Variants in BARD1 observed in about 807,000 individuals in gnomAD.
BARD1 encodes BRCA1-associated RING domain protein 1.
In BARD1, 73 loss-of-function variants were observed where a neutral mutation model predicts 77.0. The observed-to-expected ratio is 0.95, with a 90% CI of 0.79 to 1.15. The LOEUF (loss-of-function observed/expected upper bound fraction) is 1.15. Among genes scored for constraint, BARD1 ranks in the 50% most tolerant of loss-of-function variants. The probability of loss-of-function intolerance (pLI) is 0.00; values close to 1 mark genes in which losing one functional copy is unlikely to be tolerated. For synonymous variants in BARD1, 384 were observed against 338.0 expected, an observed-to-expected ratio of 1.14 and a Z score of -1.49; for missense variants, 993 against 938.8, an observed-to-expected ratio of 1.06 and a Z score of -0.75.
At chr2:214,800,571 A>G (rs1695972375) in intron 1 of BARD1, among the ~76,000 whole-genome samples, 1 of 152,166 alleles carries the variant, frequency 6.6e-6, no homozygotes, top group Admixed American at 6.5e-5. Context: ...TTTTTAAAAA[A>G]TTATTACAAC....
At chr2:214,757,520 G>A (rs1693748623) in intron 6 of BARD1, among the ~76,000 whole-genome samples, 1 of 151,854 alleles carries the variant, frequency 6.6e-6, no homozygotes, top group African/African-American at 2.4e-5. Context: ...ATGTGAAAAT[G>A]GATATATGTA....
At chr2:214,794,879 T>C (rs1425580547) in intron 2 of BARD1, among the ~76,000 whole-genome samples, 3 of 152,216 alleles carry the variant, frequency 2.0e-5, no homozygotes, top group African/African-American at 7.2e-5. Flanking sequence ...ATGAATTCTT[T>C]CCTACGTTCA....
At chr2:214,778,216 A>C (rs9789462) in intron 4 of BARD1, among the ~76,000 whole-genome samples, 40,754 of 128,582 alleles carry the variant, frequency 0.32, 6,205 homozygotes, top group East Asian at 0.61. Flanking sequence ...CCCCACCCCC[A>C]AAAAAGAAAA....
At chr2:214,742,925 C>A (rs1051914770) in intron 9 of BARD1, among the ~76,000 whole-genome samples, 6 of 152,112 alleles carry the variant, frequency 3.9e-5, no homozygotes, top group Non-Finnish European at 8.8e-5. Flanking sequence ...CAAAAGCATC[C>A]CTAATCATGA....
At chr2:214,742,391 G>A (rs1692879197) in intron 9 of BARD1, among the ~76,000 whole-genome samples, 1 of 152,126 alleles carries the variant, frequency 6.6e-6, no homozygotes, top group African/African-American at 2.4e-5. Flanking sequence ...GAAACTATGA[G>A]AAATATATAT....
chr2:214,759,680 C>T (rs1031780025), intron 6 of BARD1, among the ~76,000 whole-genome samples: 3 of 152,132 alleles, frequency 2.0e-5, no homozygotes, highest in African/African-American at 7.2e-5. Flanking sequence ...TGACTTTCCA[C>T]TGTACATTCG....
chr2:214,790,763 C>T (rs1695476894), intron 3 of BARD1, among the ~76,000 whole-genome samples: 1 of 152,112 alleles, frequency 6.6e-6, no homozygotes, highest in Non-Finnish European at 1.5e-5. Flanking sequence ...ACAGACCACA[C>T]ACTCCTAAGA....
In BARD1 at chr2:214,774,635, T is replaced by C. The variant is rs1324112320; in HGVS notation, c.1315-5323A>G. Among the ~76,000 whole-genome samples the C allele has an allele frequency of 2.6e-5, 4 of 152,224 alleles. No homozygotes were observed. The East Asian group carries it at 7.7e-4, about 29-fold the overall frequency. On this transcript the variant is annotated intron_variant, in intron 4 of 10. Coordinates refer to ENST00000260947, the MANE Select transcript of BARD1 (RefSeq NM_000465.4). ...ATGGTAAATGAGCATTGGCTTCCAC[T>C]TCAAGTCACCAGCTGCATTAGCCCC... is the stretch of plus-strand genomic sequence containing the variant.
intron 4 of BARD1, among the ~76,000 whole-genome samples, chr2:214,773,588 T>C (rs966446341): frequency 2.0e-5 from 3 of 152,198 alleles, no homozygotes; most frequent in African/African-American, 7.2e-5. Context: ...AAAAGTTATA[T>C]GTGCACTATA....
chr2:214,792,339 A>G lies in BARD1; in HGVS notation c.322T>C (p.Cys108Arg), dbSNP rs1060501298. The change falls in exon 3 of 11, where the codon TGT becomes CGT. Residue 108 changes from cysteine to arginine, a missense_variant. By Grantham distance (180) the Cys-to-Arg change is radical. Transcript: ENST00000260947. ...TGTAGCAAATTTCGAAGCTTACTAC[A>G]AAGTTGAATCATGCTGTCCAGTTGT... ...NRQLDSMIQL[C>R]SKLRNLLHDN... 6.2e-7 allele frequency: 1 copy of G among 1,613,502 alleles called. No individual in the cohort carries two copies. The highest frequency in any genetic ancestry group is 8.5e-7 in the Non-Finnish European group (1 of 1,179,744).
chr2:214,783,331 T>A (rs1221534827), intron 3 of BARD1, among the ~76,000 whole-genome samples: 2 of 152,106 alleles, frequency 1.3e-5, no homozygotes, highest in Non-Finnish European at 2.9e-5. Flanking sequence ...CGGAAGAAAG[T>A]GATTTTTAAA....
At chr2:214,783,219 T>C (rs1001230084) in intron 3 of BARD1, among the ~76,000 whole-genome samples, 1 of 152,124 alleles carries the variant, frequency 6.6e-6, no homozygotes, top group Non-Finnish European at 1.5e-5. Context: ...AAAATCTGTA[T>C]ATAAGTGGAC....
chr2:214,764,979 ATCAAT>A, intron 6 of BARD1, among the ~76,000 whole-genome samples: 1 of 152,288 alleles, frequency 6.6e-6, no homozygotes, highest in East Asian at 1.9e-4. Context: ...TTTATCCAAT[ATCAAT>A]CCCAACCTCT....
chr2:214,772,285 T>A (rs994631568), intron 4 of BARD1, among the ~76,000 whole-genome samples: 1 of 152,208 alleles, frequency 6.6e-6, no homozygotes, highest in Non-Finnish European at 1.5e-5. Context: ...TACAAATGAA[T>A]GCAGGAATAT....
chr2:214,792,659 A>C (rs1695583213), intron 2 of BARD1, among the ~76,000 whole-genome samples: 1 of 152,188 alleles, frequency 6.6e-6, no homozygotes, highest in Non-Finnish European at 1.5e-5. Context: ...GACTTTACTT[A>C]GCCTGATTAT....
At chr2:214,730,133 T>G (rs1475162097) in intron 10 of BARD1, 2 of 455,542 alleles carry the variant, frequency 4.4e-6, no homozygotes, top group Non-Finnish European at 8.0e-6. Flanking sequence ...CTGTAAGTCT[T>G]CTTTCAAGCT....
At chr2:214,768,669 A>C (rs917780199) in intron 5 of BARD1, among the ~76,000 whole-genome samples, 7 of 152,236 alleles carry the variant, frequency 4.6e-5, no homozygotes, top group African/African-American at 1.4e-4. Flanking sequence ...ATTGGCCTAC[A>C]TACCAATTGT....
chr2:214,796,998 T>G, intron 2 of BARD1, 63 bp downstream of exon 2: 2 of 1,234,122 alleles, frequency 1.6e-6, no homozygotes, highest in African/African-American at 3.0e-5. Context: ...TCAACAAGAT[T>G]ACATGATTGT....
At chr2:214,764,680 GA>G (rs934622702) in intron 6 of BARD1, among the ~76,000 whole-genome samples, 1 of 152,164 alleles carries the variant, frequency 6.6e-6, no homozygotes, top group East Asian at 1.9e-4. Context: ...GGAAGCCACG[GA>G]AGGATTTTAA....
Sources: allele counts gnomAD v4.1 joint callset (sites outside exome capture counted in the v4.1 genomes callset), GRCh38; gene constraint gnomAD v4.1.1; transcripts MANE v1.5; gene names NCBI Gene and HGNC (gene_info 2026-07-23, HGNC 2026-07-21).